The following IDO2 variants were observed in gnomAD, a reference collection of about 807,000 sequenced individuals.
The protein encoded by IDO2 is indoleamine 2,3-dioxygenase-like 1 protein.
A neutral mutation model predicts 45.1 loss-of-function variants in IDO2; 46 were observed. That is an observed-to-expected ratio of 1.02 (90% CI 0.80 to 1.30). The LOEUF (loss-of-function observed/expected upper bound fraction) is 1.30. Ranked by LOEUF, IDO2 falls within the 50% of genes most tolerant of loss-of-function variation. The pLI is 0.00. For missense variants in IDO2, 544 were observed against 491.8 expected, an observed-to-expected ratio of 1.11 and a Z score of -1.00; for synonymous variants, 218 against 184.9, an observed-to-expected ratio of 1.18 and a Z score of -1.45.
chr8:39,950,885 C>T (rs1032111029), intron 2 of IDO2, among the ~76,000 whole-genome samples: 3 of 152,146 alleles, frequency 2.0e-5, no homozygotes, highest in African/African-American at 7.2e-5. Flanking sequence ...GAGCAAGCTA[C>T]GACAGCTGAT....
intron 5 of IDO2, 51 bp downstream of exon 5, chr8:39,982,821 C>T (rs1808374229): frequency 1.7e-6 from 2 of 1,177,886 alleles, no homozygotes; most frequent in South Asian, 1.4e-5. Context: ...CCCCAGGAAA[C>T]ACCCAGGCTT....
At chr8:39,961,318 TTC>T (rs1807993441) in intron 2 of IDO2, among the ~76,000 whole-genome samples, 1 of 118,812 alleles carries the variant, frequency 8.4e-6, no homozygotes, top group Non-Finnish European at 1.7e-5. Context: ...AATTGTATAC[TTC>T]TTTTTTTTTT....
chr8:39,971,906 T>C (rs1285075530), intron 3 of IDO2, among the ~76,000 whole-genome samples: 2 of 152,112 alleles, frequency 1.3e-5, no homozygotes, highest in Non-Finnish European at 2.9e-5. Flanking sequence ...CCTCCCTGGT[T>C]CAAGCAAGTC....
chr8:39,963,172 C>A (rs1268476934), intron 2 of IDO2, among the ~76,000 whole-genome samples: 1 of 152,230 alleles, frequency 6.6e-6, no homozygotes, highest in Non-Finnish European at 1.5e-5. Flanking sequence ...TGTTTATCTG[C>A]TGTCCCCTCT....
chr8:40,007,393 G>A (rs1802239964), intron 9 of IDO2, among the ~76,000 whole-genome samples: 1 of 152,086 alleles, frequency 6.6e-6, no homozygotes, highest in Non-Finnish European at 1.5e-5. Flanking sequence ...AATCCTCCTT[G>A]TAGAGGGTAC....
chr8:39,947,171 C>CAAAAAAAAAA (rs55785952), intron 1 of IDO2, among the ~76,000 whole-genome samples: 13 of 80,010 alleles, frequency 1.6e-4, no homozygotes, highest in South Asian at 5.6e-4. Context: ...GCTAAGGTAT[C>CAAAAAAAAAA]AAAAAAAAAA....
At chr8:40,005,993 C>T (rs1191831772) in intron 9 of IDO2, among the ~76,000 whole-genome samples, 31 of 152,120 alleles carry the variant, frequency 2.0e-4, no homozygotes, top group Admixed American at 2.0e-3. Context: ...TCTTCCATTC[C>T]TTGTCCCTTC....
At chr8:39,973,148 A>G (rs1808205245) in intron 3 of IDO2, among the ~76,000 whole-genome samples, 3 of 152,358 alleles carry the variant, frequency 2.0e-5, no homozygotes, top group African/African-American at 7.2e-5. Context: ...GTTATAGATC[A>G]GCAAGGGGTA....
intron 2 of IDO2, among the ~76,000 whole-genome samples, chr8:39,956,358 A>G (rs1279827416): frequency 6.6e-6 from 1 of 152,156 alleles, no homozygotes; most frequent in Non-Finnish European, 1.5e-5. Context: ...CACCACACGC[A>G]GCCAATTAGA....
intron 1 of IDO2, among the ~76,000 whole-genome samples, chr8:39,944,286 C>T (rs543180340): frequency 1.7e-4 from 13 of 76,192 alleles, no homozygotes; most frequent in African/African-American, 5.0e-4. Context: ...TTTGGGATTA[C>T]AGGCGTGAAC....
intron 4 of IDO2, among the ~76,000 whole-genome samples, chr8:39,979,518 T>A (rs1420113526): frequency 6.6e-6 from 1 of 152,046 alleles, no homozygotes; most frequent in African/African-American, 2.4e-5. Flanking sequence ...CACACCTGGC[T>A]AATTTTTGTA....
At chr8:39,959,958 G>A (rs1463579291) in intron 2 of IDO2, among the ~76,000 whole-genome samples, 5 of 152,094 alleles carry the variant, frequency 3.3e-5, no homozygotes, top group Admixed American at 6.6e-5. Context: ...TAGACTGAGC[G>A]ATAGAGTGAA....
chr8:39,934,938 A>G (rs62512641), exon 1 of IDO2: 8 of 612,630 alleles, frequency 1.3e-5, no homozygotes, highest in African/African-American at 5.6e-5. Flanking sequence ...GTCCATACAC[A>G]CTGGTTTGGA....
rs116908620 is a variant in IDO2 at position 39,957,483 on chromosome 8, T to C, written c.100-6125T>C. On this transcript the variant is annotated intron_variant, in intron 2 of 10. Coordinates refer to ENST00000502986, the Ensembl canonical transcript of IDO2. ...AAAGAATTAGCTGTGCATGATCCTA[T>C]GTGCCTGTGTTCCAGCTACTTGGGA... is the stretch of plus-strand genomic sequence containing the variant. Among the ~76,000 whole-genome samples the C allele has an allele frequency of 2.0e-3, 298 of 146,126 alleles. 11 individuals are homozygous for C. In the East Asian group the frequency reaches 0.055, roughly 27 times the overall value.
chr8:39,941,221 C>CAAAAAAA (rs59745370), intron 1 of IDO2, among the ~76,000 whole-genome samples: 10,268 of 80,190 alleles, frequency 0.13, 1,178 homozygotes, highest in East Asian at 0.19. Context: ...GACTCCATCT[C>CAAAAAAA]AAAAAAAAAA....
intron 2 of IDO2, among the ~76,000 whole-genome samples, chr8:39,959,284 T>G (rs1190369913): frequency 3.4e-4 from 3 of 8,800 alleles, no homozygotes; most frequent in Non-Finnish European, 9.0e-4. Context: ...ATTTTTTCTA[T>G]TTTTTTTTTT....
intron 8 of IDO2, among the ~76,000 whole-genome samples, chr8:39,993,400 G>A (rs953330733): frequency 3.9e-5 from 6 of 152,148 alleles, no homozygotes; most frequent in East Asian, 1.9e-4. Flanking sequence ...ACCCATCGGC[G>A]CATTGGCAGC....
chr8:39,963,658 T>A (rs1808033687), exon 3 of IDO2: 3 of 1,612,550 alleles, frequency 1.9e-6, no homozygotes, highest in Non-Finnish European at 2.5e-6. Flanking sequence ...CCAACAAACT[T>A]CCTCAATTGA....
At chr8:39,995,245 C>CTTCTTCTTCTTCTTCTTCTTCTTCTT (rs1563438285) in intron 8 of IDO2, 2 of 68,750 alleles carry the variant, frequency 2.9e-5, no homozygotes, top group African/African-American at 1.0e-4. Flanking sequence ...TTCTCCTTCT[C>CTTCTTCTTCTTCTTCTTCTTCTTCTT]CTTCTCCTTC....
Sources: allele counts gnomAD v4.1 joint callset (sites outside exome capture counted in the v4.1 genomes callset), GRCh38; gene constraint gnomAD v4.1.1; transcripts MANE v1.5; gene names NCBI Gene and HGNC (gene_info 2026-07-23, HGNC 2026-07-21).